The following PLCL1 variants were observed in gnomAD, a reference collection of about 807,000 sequenced individuals.
The protein encoded by PLCL1 is phospholipase C like 1 (inactive).
In PLCL1, 41 loss-of-function variants were observed where a neutral mutation model predicts 84.4. The observed-to-expected ratio is 0.49, with a 90% CI of 0.38 to 0.63. The LOEUF (loss-of-function observed/expected upper bound fraction) is 0.63, where lower values mean the gene tolerates loss of function less well. PLCL1 is among the 30% of genes least tolerant of loss of function. The pLI, the probability that PLCL1 is intolerant of heterozygous loss-of-function variation, is 0.00. For synonymous variants in PLCL1, 490 were observed against 488.3 expected (o/e 1.00, Z -0.05); for missense variants, 1,206 against 1,367.8 (o/e 0.88, Z 1.87).
At chr2:198,111,110 G>A (rs1219464167) in intron 5 of PLCL1, among the ~76,000 whole-genome samples, 1 of 151,798 alleles carries the variant, frequency 6.6e-6, no homozygotes, top group East Asian at 1.9e-4. Context: ...TTGTCTCTAT[G>A]CTCTTGTATC....
intron 1 of PLCL1, among the ~76,000 whole-genome samples, chr2:197,870,090 G>A (rs1687623143): frequency 6.6e-6 from 1 of 152,110 alleles, no homozygotes; most frequent in African/African-American, 2.4e-5. Context: ...TCTCCGTGGA[G>A]TTAACTGGTT....
chr2:197,907,869 G>A (rs12053019), intron 1 of PLCL1, among the ~76,000 whole-genome samples: 1 of 152,118 alleles, frequency 6.6e-6, no homozygotes, highest in Admixed American at 6.6e-5. Context: ...TATTTAATTG[G>A]TCTGGGGCAC....
chr2:198,041,694 T>C (rs1691668331), intron 1 of PLCL1, among the ~76,000 whole-genome samples: 1 of 152,182 alleles, frequency 6.6e-6, no homozygotes, highest in African/African-American at 2.4e-5. Context: ...AATTAATGAA[T>C]GAAGTGTTCA....
intron 1 of PLCL1, among the ~76,000 whole-genome samples, chr2:197,979,022 T>C (rs985580650): frequency 2.6e-5 from 4 of 152,254 alleles, no homozygotes; most frequent in African/African-American, 7.2e-5. Flanking sequence ...TGGATTGCTC[T>C]GTAGGCCCAG....
chr2:198,117,180 G>C (rs1327223180), intron 5 of PLCL1, among the ~76,000 whole-genome samples: 2 of 151,756 alleles, frequency 1.3e-5, no homozygotes, highest in Non-Finnish European at 2.9e-5. Flanking sequence ...TCAGAAAGTT[G>C]AGCTCCTTTT....
intron 5 of PLCL1, among the ~76,000 whole-genome samples, chr2:198,129,329 G>C (rs1170926976): frequency 6.6e-6 from 1 of 152,034 alleles, no homozygotes; most frequent in African/African-American, 2.4e-5. Flanking sequence ...TACATAATAA[G>C]ACCGTTGGTC....
intron 1 of PLCL1, among the ~76,000 whole-genome samples, chr2:198,059,907 A>G (rs1449924488): frequency 3.9e-5 from 6 of 152,040 alleles, no homozygotes; most frequent in Admixed American, 3.9e-4. Flanking sequence ...GGAATTGGAG[A>G]CAGGCCATGT....
Position 198,084,020 on chromosome 2 carries a change from T to G in PLCL1, c.503T>G (p.Leu168Arg). ...LDISAIKEIR[L>R]GKNTETFRNN... ...ATTTCTGCCATAAAAGAGATCAGAC[T>G]GGGGAAAAACACGGAAACATTTAGA... The change falls in exon 2 of 6, where the codon CTG becomes CGG. Residue 168 changes from leucine (L) to arginine (R), a missense_variant. Transcript: ENST00000428675. The G allele has an allele frequency of 6.2e-7, 1 of 1,614,122 alleles. No homozygotes were observed. Among genetic ancestry groups the G allele is most frequent in the Non-Finnish European group, 8.5e-7 (1 of 1,179,990 alleles).
intron 1 of PLCL1, among the ~76,000 whole-genome samples, chr2:198,050,178 A>G (rs1045599176): frequency 2.6e-5 from 4 of 152,168 alleles, no homozygotes; most frequent in African/African-American, 9.6e-5. Flanking sequence ...GAGCATGGAA[A>G]CAGCTCCAGC....
At chr2:197,909,562 T>G (rs73056828) in intron 1 of PLCL1, among the ~76,000 whole-genome samples, 2,725 of 152,234 alleles carry the variant, frequency 0.018, 76 homozygotes, top group African/African-American at 0.06. Flanking sequence ...AGGCTGACTT[T>G]GCAGAGATGA....
At chr2:197,982,554 C>A (rs1346109996) in intron 1 of PLCL1, among the ~76,000 whole-genome samples, 3 of 152,224 alleles carry the variant, frequency 2.0e-5, no homozygotes, top group Non-Finnish European at 2.9e-5. Flanking sequence ...GTTGAATCCA[C>A]ATTCTGTTTC....
intron 1 of PLCL1, among the ~76,000 whole-genome samples, chr2:197,881,349 G>A (rs1158591977): frequency 6.6e-6 from 1 of 152,072 alleles, no homozygotes; most frequent in Non-Finnish European, 1.5e-5. Context: ...GTTATAGGGG[G>A]ACAGCCCTCT....
At chr2:198,076,982 C>T (rs746359989) in intron 1 of PLCL1, among the ~76,000 whole-genome samples, 18 of 152,162 alleles carry the variant, frequency 1.2e-4, no homozygotes, top group Admixed American at 8.5e-4. Context: ...AAAATGTATG[C>T]ATCAGAACTG....
At position 197,930,626 on chromosome 2, in the gene PLCL1, A is replaced by G. The variant is rs571971063; in HGVS notation, c.240+125287A>G. 5.1e-4 allele frequency among the ~76,000 whole-genome samples: 77 copies of G among 152,312 alleles called. No individual in the cohort carries two copies. In the Middle Eastern group the frequency reaches 0.014, roughly 27 times the overall value. On this transcript the variant is annotated intron_variant, in intron 1 of 5. Transcript: ENST00000428675. ...TTTTGGAAAAATAATGTATGTTCAT[A>G]GAACTCTAGGCACCATACAGCGACA...
intron 1 of PLCL1, among the ~76,000 whole-genome samples, chr2:197,890,829 A>T: frequency 7.3e-5 from 2 of 27,322 alleles, no homozygotes; most frequent in Non-Finnish European, 1.4e-4. Flanking sequence ...ATATACATAT[A>T]TGCATATATA....
At chr2:197,905,472 A>C (rs1167745470) in intron 1 of PLCL1, among the ~76,000 whole-genome samples, 2 of 152,208 alleles carry the variant, frequency 1.3e-5, no homozygotes. Context: ...TATATGTGCC[A>C]CATTTTCTTT....
chr2:198,127,498 T>C (rs1257565703), intron 5 of PLCL1, among the ~76,000 whole-genome samples: 1 of 152,190 alleles, frequency 6.6e-6, no homozygotes, highest in East Asian at 1.9e-4. Context: ...CACCAAATTG[T>C]GAAAGCAAAT....
chr2:198,132,420 G>C lies in PLCL1; in HGVS notation c.3106-14360G>C, dbSNP rs543981070. Among the ~76,000 whole-genome samples, 9 of 152,204 alleles carry C rather than the reference G, an allele frequency of 5.9e-5. No individual in the cohort carries two copies. In the East Asian group the frequency reaches 1.7e-3, roughly 29 times the overall value. ...GACAAACTTCTGGATTCTCTACATG[G>C]TGATAGTTTAAAGTTTCTTTAAAAA... On this transcript the variant is annotated intron_variant, in intron 5 of 5. Transcript: ENST00000428675.
intron 1 of PLCL1, among the ~76,000 whole-genome samples, chr2:197,999,808 C>T (rs1349812024): frequency 1.3e-5 from 2 of 152,146 alleles, no homozygotes; most frequent in Admixed American, 6.5e-5. Context: ...ACATTCCTCC[C>T]TTTCTTCCCT....
Sources: allele counts gnomAD v4.1 joint callset (sites outside exome capture counted in the v4.1 genomes callset), GRCh38; gene constraint gnomAD v4.1.1; transcripts MANE v1.5; gene names NCBI Gene and HGNC (gene_info 2026-07-23, HGNC 2026-07-21).